The following FNDC3B variants were observed in gnomAD, a reference collection of about 807,000 sequenced individuals.
FNDC3B encodes fibronectin type III domain-containing protein 3B.
A neutral mutation model predicts 151.5 loss-of-function variants in FNDC3B; 12 were observed. The observed-to-expected ratio is 0.08, with a 90% CI of 0.05 to 0.13. The LOEUF (loss-of-function observed/expected upper bound fraction) is 0.13. Among genes scored for constraint, FNDC3B ranks in the 10% least tolerant of loss-of-function variants. The pLI is 1.00. For missense variants in FNDC3B, 1,214 were observed against 1,505.3 expected, an observed-to-expected ratio of 0.81 and a Z score of 3.20; for synonymous variants, 528 against 549.0, an observed-to-expected ratio of 0.96 and a Z score of 0.54.
At chr3:172,149,957 T>G (rs1722136201) in intron 3 of FNDC3B, among the ~76,000 whole-genome samples, 1 of 151,906 alleles carries the variant, frequency 6.6e-6, no homozygotes, top group African/African-American at 2.4e-5. Flanking sequence ...TAGCTGGGAC[T>G]TCAGGTGCCC....
At chr3:172,311,918 T>C (rs866714245) in intron 11 of FNDC3B, among the ~76,000 whole-genome samples, 3 of 151,688 alleles carry the variant, frequency 2.0e-5, no homozygotes, top group South Asian at 2.1e-4. Context: ...TTTTTGTTCC[T>C]GTAGATCTTA....
rs181574898 is a variant in FNDC3B at position 172,135,273 on chromosome 3, A to G, written c.187+1727A>G. Among the ~76,000 whole-genome samples, 380 of 151,700 alleles carry G rather than the reference A, an allele frequency of 2.5e-3. 1 individual carries two copies. The highest frequency in any genetic ancestry group is 8.4e-3 in the African/African-American group (346 of 41,364). On this transcript the variant is annotated intron_variant, in intron 3 of 25. Coordinates refer to ENST00000415807, the MANE Select transcript of FNDC3B (RefSeq NM_022763.4). ...TGTGTGTATGTGTGTGTGTGTGTGT[A>G]TATATGTGTTTTTTGTGTGTATATA... is the stretch of plus-strand genomic sequence containing the variant.
intron 3 of FNDC3B, among the ~76,000 whole-genome samples, chr3:172,206,102 T>C (rs1454388231): frequency 6.6e-6 from 1 of 152,212 alleles, no homozygotes; most frequent in African/African-American, 2.4e-5. Flanking sequence ...AACCGTAGGG[T>C]AATAGTACTA....
chr3:172,218,625 T>C (rs1250021514), intron 3 of FNDC3B, among the ~76,000 whole-genome samples: 1 of 152,214 alleles, frequency 6.6e-6, no homozygotes, highest in African/African-American at 2.4e-5. Context: ...GTACTTTATA[T>C]GCATTACATC....
In FNDC3B at chr3:172,040,013, G is replaced by T. The variant is rs919069838; in HGVS notation, c.-29+242G>T. Among the ~76,000 whole-genome samples, 1 of 152,086 alleles carries T rather than the reference G, an allele frequency of 6.6e-6. No individual in the cohort carries two copies. Among genetic ancestry groups the T allele is most frequent in the Non-Finnish European group, 1.5e-5 (1 of 67,980 alleles). On this transcript the variant is annotated intron_variant, in intron 1 of 25. Coordinates refer to ENST00000415807, the MANE Select transcript of FNDC3B (RefSeq NM_022763.4). This position sits in a 1 kb window ranked among gnomAD's most constrained non-coding sequence, Gnocchi z 6.6. ...GCGGCCCCCGCCTTGCTGGGCTGGGGTCCCCCGCCTGTGCCCCCTGCCTCA... is the reference window on the plus strand; with the variant it reads ...GCGGCCCCCGCCTTGCTGGGCTGGGTTCCCCCGCCTGTGCCCCCTGCCTCA...
chr3:172,359,264 AT>A (rs1008359084), intron 22 of FNDC3B, among the ~76,000 whole-genome samples: 4 of 151,912 alleles, frequency 2.6e-5, no homozygotes, highest in African/African-American at 9.7e-5. Flanking sequence ...ATCTCTTAGC[AT>A]TTTTTTTCTT....
At chr3:172,109,417 C>T (rs902119968) in intron 1 of FNDC3B, among the ~76,000 whole-genome samples, 3 of 149,312 alleles carry the variant, frequency 2.0e-5, no homozygotes, top group Admixed American at 6.7e-5. Flanking sequence ...CCGCCCGCCT[C>T]GGCCTCCCAA....
chr3:172,361,526 AG>A (rs1734364859), intron 22 of FNDC3B, among the ~76,000 whole-genome samples: 1 of 152,116 alleles, frequency 6.6e-6, no homozygotes, highest in Non-Finnish European at 1.5e-5. Flanking sequence ...AGTTCCCAAA[AG>A]TTCCTCATTT....
intron 6 of FNDC3B, among the ~76,000 whole-genome samples, chr3:172,283,375 A>C (rs1352711021): frequency 6.6e-6 from 1 of 152,200 alleles, no homozygotes; most frequent in Non-Finnish European, 1.5e-5. Flanking sequence ...GGGACAAAGC[A>C]TCCTGTTTTA....
At chr3:172,390,402 A>G (rs1735947647) in intron 25 of FNDC3B, among the ~76,000 whole-genome samples, 2 of 152,162 alleles carry the variant, frequency 1.3e-5, no homozygotes, top group Non-Finnish European at 2.9e-5. Context: ...GGATTCCTTT[A>G]TTTTTAAAAT....
At chr3:172,096,682 A>G (rs961911014) in intron 1 of FNDC3B, among the ~76,000 whole-genome samples, 98 of 152,234 alleles carry the variant, frequency 6.4e-4, no homozygotes, top group African/African-American at 2.3e-3. Flanking sequence ...TAAATTTCAA[A>G]TAGAAAAGCA....
chr3:172,337,241 A>G (rs1415123018), intron 15 of FNDC3B, 89 bp from the exon 16 acceptor site: 1 of 858,542 alleles, frequency 1.2e-6, no homozygotes, highest in African/African-American at 1.7e-5. Flanking sequence ...AGATAGTATA[A>G]TGGTGTGTGA....
intron 8 of FNDC3B, among the ~76,000 whole-genome samples, chr3:172,296,964 A>G (rs1275726829): frequency 6.6e-6 from 1 of 152,068 alleles, no homozygotes; most frequent in Non-Finnish European, 1.5e-5. Context: ...TTCATGCAAG[A>G]TGAACATTGG....
At chr3:172,275,960 T>G (rs1459948216) in intron 6 of FNDC3B, among the ~76,000 whole-genome samples, 2 of 152,198 alleles carry the variant, frequency 1.3e-5, no homozygotes, top group Non-Finnish European at 2.9e-5. Flanking sequence ...TACTATAGTT[T>G]ATGTTTGACT....
chr3:172,080,289 GAGAC>G (rs929601507), intron 1 of FNDC3B, among the ~76,000 whole-genome samples: 7 of 151,840 alleles, frequency 4.6e-5, no homozygotes, highest in African/African-American at 1.7e-4. Flanking sequence ...TTTTTTTTAA[GAGAC>G]AGAGTCTTGC....
chr3:172,132,246 C>G (rs1721141891), intron 2 of FNDC3B, among the ~76,000 whole-genome samples: 1 of 152,126 alleles, frequency 6.6e-6, no homozygotes, highest in Non-Finnish European at 1.5e-5. Context: ...ACAGAGGAAA[C>G]AGTATGCTTG....
chr3:172,279,429 G>A (rs1200146865), intron 6 of FNDC3B, among the ~76,000 whole-genome samples: 1 of 152,142 alleles, frequency 6.6e-6, no homozygotes, highest in Non-Finnish European at 1.5e-5. Flanking sequence ...GGCCGCTCTT[G>A]AAAATATTTT....
chr3:172,203,546 T>C (rs1295032802), intron 3 of FNDC3B, among the ~76,000 whole-genome samples: 1 of 152,278 alleles, frequency 6.6e-6, no homozygotes, highest in Non-Finnish European at 1.5e-5. Flanking sequence ...TGGGGAAGGA[T>C]GTTACATTCA....
At chr3:172,288,716 A>G (rs573868164) in intron 7 of FNDC3B, among the ~76,000 whole-genome samples, 3 of 152,318 alleles carry the variant, frequency 2.0e-5, no homozygotes, top group South Asian at 2.1e-4. Context: ...TTTAACAGTG[A>G]GGCTTGAACT....
Sources: gnomAD v4.1 joint callset for allele counts (sites outside exome capture counted in the v4.1 genomes callset) on GRCh38, gnomAD v4.1.1 for gene constraint, Gnocchi (gnomAD v3.1) non-coding constraint, MANE v1.5 for transcripts, NCBI Gene and HGNC (gene_info 2026-07-23, HGNC 2026-07-21) for gene names.